NRG3: variants seen among roughly 807,000 people sequenced by gnomAD.
NRG3 encodes neuregulin 3.
NRG3 carries 31 observed loss-of-function variants against 66.9 expected under a neutral mutation model. That is an observed-to-expected ratio of 0.46 (90% CI 0.35 to 0.63). The LOEUF is 0.63. Among genes scored for constraint, NRG3 ranks in the 20% least tolerant of loss-of-function variants. The pLI is 0.00. For missense variants in NRG3, 910 were observed against 878.9 expected (o/e 1.04, Z -0.45); for synonymous variants, 393 against 359.4 (o/e 1.09, Z -1.06).
At position 82,865,416 on chromosome 10, in the gene NRG3, C is replaced by A. The variant is rs1482291840; in HGVS notation, c.1033C>A (p.His345Asn). The A allele has an allele frequency of 6.2e-7, 1 of 1,612,610 alleles. No individual in the cohort carries two copies. The highest frequency in any genetic ancestry group is 8.5e-7 in the Non-Finnish European group (1 of 1,179,230). ...CCATGCTGACTTTGGTGTAGCAGACCACTTGGGGATTGAATTCATGGGTAA... is the reference window on the plus strand; with the variant it reads ...CCATGCTGACTTTGGTGTAGCAGACAACTTGGGGATTGAATTCATGGGTAA... Reference protein sequence around the residue: ...TDSILSDPTDHLGIEFMESEE... With the variant: ...TDSILSDPTDNLGIEFMESEE... Residue 345 changes from histidine to asparagine, a missense_variant, in exon 4 of 9, where the codon CAC becomes AAC. By Grantham distance (68) the His-to-Asn change is moderately conservative. Transcript: ENST00000372141.
At chr10:82,343,677 G>T (rs1239451821) in intron 1 of NRG3, among the ~76,000 whole-genome samples, 1 of 152,208 alleles carries the variant, frequency 6.6e-6, no homozygotes, top group Admixed American at 6.5e-5. Context: ...GAGTAGACCT[G>T]ATGTACAGCA....
At chr10:81,951,809 A>C (rs1020261524) in intron 1 of NRG3, among the ~76,000 whole-genome samples, 3 of 152,236 alleles carry the variant, frequency 2.0e-5, no homozygotes, top group Non-Finnish European at 2.9e-5. Context: ...GCTGCTATAA[A>C]GACACATGCA....
At chr10:82,271,268 G>A (rs960479580) in intron 1 of NRG3, among the ~76,000 whole-genome samples, 8 of 152,014 alleles carry the variant, frequency 5.3e-5, no homozygotes, top group Non-Finnish European at 8.8e-5. Context: ...CATGTGCAAG[G>A]TAGAAAAGTG....
In NRG3 at chr10:82,795,876, G is replaced by A. The variant is rs553896182; in HGVS notation, c.1027+57226G>A. Among the ~76,000 whole-genome samples, 13 of 152,068 alleles carry A rather than the reference G, an allele frequency of 8.5e-5. No homozygotes were observed. The South Asian group carries it at 2.1e-3, about 24-fold the overall frequency. On this transcript the variant is annotated intron_variant, in intron 3 of 8. Coordinates refer to ENST00000372141, the MANE Select transcript of NRG3 (RefSeq NM_001010848.4). The stretch of plus-strand genomic sequence containing the variant: ...GCATGAGTGACTCCATTTTGGTTTG[G>A]TCTGGTCGTTTAGGGCCTAGTGCAG...
chr10:82,043,397 T>C (rs2063132205), intron 1 of NRG3, among the ~76,000 whole-genome samples: 1 of 152,098 alleles, frequency 6.6e-6, no homozygotes, highest in Non-Finnish European at 1.5e-5. Flanking sequence ...GCTAAAATTA[T>C]CTCTTTGCTT....
intron 2 of NRG3, among the ~76,000 whole-genome samples, chr10:82,580,297 C>T (rs1329961173): frequency 6.6e-6 from 1 of 151,798 alleles, no homozygotes; most frequent in African/African-American, 2.4e-5. Context: ...TTTAGATTTA[C>T]AGAAAAGTTG....
intron 3 of NRG3, among the ~76,000 whole-genome samples, chr10:82,807,194 G>A (rs1375140202): frequency 3.3e-5 from 5 of 152,082 alleles, no homozygotes; most frequent in African/African-American, 4.8e-5. Flanking sequence ...ATCTGTCAAA[G>A]TACATAAAAA....
intron 1 of NRG3, among the ~76,000 whole-genome samples, chr10:81,948,947 C>T (rs1049304154): frequency 6.6e-6 from 1 of 152,150 alleles, no homozygotes; most frequent in Non-Finnish European, 1.5e-5. Flanking sequence ...GGACATGGGG[C>T]AGGGTCCAAG....
chr10:82,091,695 A>C (rs1377747436), intron 1 of NRG3, among the ~76,000 whole-genome samples: 1 of 152,206 alleles, frequency 6.6e-6, no homozygotes, highest in Non-Finnish European at 1.5e-5. Flanking sequence ...TTGCTGAGTC[A>C]TATGGTAATT....
chr10:82,618,105 G>T (rs575844563), intron 2 of NRG3, among the ~76,000 whole-genome samples: 2 of 152,226 alleles, frequency 1.3e-5, no homozygotes, highest in South Asian at 2.1e-4. Context: ...TTCTCTAACA[G>T]CCCTAGCATT....
At chr10:81,956,334 C>A (rs1849826935) in intron 1 of NRG3, among the ~76,000 whole-genome samples, 1 of 152,152 alleles carries the variant, frequency 6.6e-6, no homozygotes, top group Admixed American at 6.5e-5. Flanking sequence ...CTCAGAGGGA[C>A]AGTGAGTTCC....
intron 1 of NRG3, among the ~76,000 whole-genome samples, chr10:81,911,314 GAAAGCCTGCTATGGTGC>G (rs1301411199): frequency 4.6e-5 from 7 of 152,212 alleles, no homozygotes; most frequent in East Asian, 1.9e-4. Flanking sequence ...ACTACATAGT[GAAAGCCTGCTATGGTGC>G]AAAGCCTGCT....
At chr10:82,729,265 T>A (rs2644208) in intron 2 of NRG3, among the ~76,000 whole-genome samples, 103,920 of 152,050 alleles carry the variant, frequency 0.68, 35,994 homozygotes, top group East Asian at 0.84. Context: ...CAAATTGACA[T>A]GAAGCAAAAT....
intron 1 of NRG3, among the ~76,000 whole-genome samples, chr10:82,102,001 G>T (rs539482324): frequency 1.6e-5 from 2 of 121,354 alleles, no homozygotes; most frequent in Non-Finnish European, 3.7e-5. Flanking sequence ...ATATATGTGT[G>T]CGTATATATA....
chr10:82,395,714 C>G (rs1291996714), intron 2 of NRG3, among the ~76,000 whole-genome samples: 1 of 152,142 alleles, frequency 6.6e-6, no homozygotes, highest in East Asian at 1.9e-4. Flanking sequence ...ATCCATCCAT[C>G]TATCCACCCA....
intron 3 of NRG3, among the ~76,000 whole-genome samples, chr10:82,833,596 C>T (rs143746779): frequency 9.1e-4 from 139 of 152,228 alleles, no homozygotes; most frequent in Middle Eastern, 3.4e-3. Flanking sequence ...CATCTGCAGC[C>T]GACCTTCCAA....
At chr10:81,943,463 T>A (rs1032811342) in intron 1 of NRG3, among the ~76,000 whole-genome samples, 1 of 152,194 alleles carries the variant, frequency 6.6e-6, no homozygotes, top group African/African-American at 2.4e-5. Context: ...GGAAAGCATC[T>A]CCTGAAATAA....
chr10:82,858,660 C>T (rs2063941957), intron 3 of NRG3, among the ~76,000 whole-genome samples: 1 of 152,176 alleles, frequency 6.6e-6, no homozygotes, highest in Non-Finnish European at 1.5e-5. Context: ...GTGGAATCTA[C>T]AGAGTGACAG....
Position 82,652,715 on chromosome 10 carries a change from G to A in NRG3, c.954-85862G>A, listed in dbSNP as rs533881903. Among the ~76,000 whole-genome samples the A allele has an allele frequency of 3.3e-5, 5 of 152,210 alleles. No homozygotes were observed. In the East Asian group the frequency reaches 5.8e-4, roughly 18 times the overall value. On this transcript the variant is annotated intron_variant, in intron 2 of 8. Transcript: ENST00000372141. ...ACTTTGAGCTAGTCTCAGGTTTTTCGGCTTGAGGGTGGGGCTTTGACAGGG... is the reference window on the plus strand; with the variant it reads ...ACTTTGAGCTAGTCTCAGGTTTTTCAGCTTGAGGGTGGGGCTTTGACAGGG...
Sources: gnomAD v4.1 joint callset for allele counts (sites outside exome capture counted in the v4.1 genomes callset) on GRCh38, gnomAD v4.1.1 for gene constraint, MANE v1.5 for transcripts, NCBI Gene and HGNC (gene_info 2026-07-23, HGNC 2026-07-21) for gene names.